LTBP1: variants seen among roughly 807,000 people sequenced by gnomAD.
LTBP1 encodes latent transforming growth factor beta binding protein 1, also known as latent-transforming growth factor beta-binding protein 1.
In LTBP1, 129 loss-of-function variants were observed where a neutral mutation model predicts 207.6. That is an observed-to-expected ratio of 0.62 (90% CI 0.54 to 0.72). The LOEUF is 0.72. LTBP1 is among the 30% of genes least tolerant of loss of function. The pLI, the probability that LTBP1 is intolerant of heterozygous loss-of-function variation, is 0.00. For synonymous variants in LTBP1, 963 were observed against 833.7 expected (o/e 1.16, Z -2.67); for missense variants, 2,281 against 2,217.2 (o/e 1.03, Z -0.58).
In LTBP1 at chr2:33,209,413, A is replaced by G. The variant is rs4671014; in HGVS notation, c.1702-8139A>G. Among the ~76,000 whole-genome samples the G allele has an allele frequency of 1.8e-3, 280 of 152,278 alleles. 2 individuals carry two copies. The highest frequency in any genetic ancestry group is 0.015 in the Admixed American group (234 of 15,288). ...TGGTTCTCTGGCACCAAAACATAGC[A>G]CCATGACAAGTACGATCGTGATGTC... On this transcript the variant is annotated intron_variant, in intron 7 of 33. Coordinates refer to ENST00000404816, the MANE Select transcript of LTBP1 (RefSeq NM_206943.4).
chr2:33,275,450 C>T (rs1000830049), intron 17 of LTBP1, among the ~76,000 whole-genome samples: 1 of 152,058 alleles, frequency 6.6e-6, no homozygotes, highest in African/African-American at 2.4e-5. Context: ...TTTGGGAGGC[C>T]GAGCCTGGCG....
intron 7 of LTBP1, 118 bp downstream of exon 7, chr2:33,188,969 C>A: frequency 8.5e-7 from 1 of 1,173,730 alleles, no homozygotes; most frequent in Non-Finnish European, 1.2e-6. Context: ...CAAACTATGA[C>A]TTGTGGCCAT....
At chr2:33,200,931 C>T (rs1005309574) in intron 7 of LTBP1, among the ~76,000 whole-genome samples, 13 of 152,188 alleles carry the variant, frequency 8.5e-5, no homozygotes, top group Non-Finnish European at 1.9e-4. Flanking sequence ...AATGAGATAC[C>T]ATCTGACACC....
chr2:33,153,858 G>A lies in LTBP1; in HGVS notation c.1201+18898G>A, dbSNP rs139416254. Among the ~76,000 whole-genome samples, 109 of 119,118 alleles carry A rather than the reference G, an allele frequency of 9.2e-4. 1 individual carries two copies. The highest frequency in any genetic ancestry group is 3.1e-3 in the African/African-American group (97 of 31,506). 78.1% of individuals were successfully genotyped at this position (119,118 alleles called of 152,430 possible). ...TGGCACTTGTGCCAGAGATCCACCC[G>A]GCTCCGTGTCCCCAGAGCGGCATCA... On this transcript the variant is annotated intron_variant, in intron 5 of 33. Coordinates refer to ENST00000404816, the MANE Select transcript of LTBP1 (RefSeq NM_206943.4).
chr2:32,955,482 ATTTTT>A (rs936090740), intron 2 of LTBP1, among the ~76,000 whole-genome samples: 2 of 151,918 alleles, frequency 1.3e-5, no homozygotes, highest in East Asian at 1.9e-4. Flanking sequence ...TCTTCCACTA[ATTTTT>A]TTTAATTACA....
intron 9 of LTBP1, among the ~76,000 whole-genome samples, chr2:33,230,704 T>C (rs933679513): frequency 6.6e-6 from 1 of 152,168 alleles, no homozygotes; most frequent in African/African-American, 2.4e-5. Flanking sequence ...TTGCCATAAG[T>C]GGGTTCTTAA....
intron 2 of LTBP1, among the ~76,000 whole-genome samples, chr2:32,952,631 A>G (rs1253414803): frequency 1.3e-5 from 2 of 151,794 alleles, no homozygotes; most frequent in Non-Finnish European, 2.9e-5. Context: ...TTTGCCTCCT[A>G]TCATTTTTGT....
chr2:33,081,561 G>A lies in LTBP1; in HGVS notation c.864-29021G>A, dbSNP rs554824654. On this transcript the variant is annotated intron_variant, in intron 3 of 33. Transcript: ENST00000404816. ...GGTAGGAAATCTCGGGCTCTGTAAT[G>A]TTGAAAGGACCTGGATTTGTTAGCA... 2.0e-5 allele frequency among the ~76,000 whole-genome samples: 3 copies of A among 152,258 alleles called. No individual in the cohort carries two copies. In the South Asian group the frequency reaches 6.2e-4, roughly 32 times the overall value.
intron 5 of LTBP1, among the ~76,000 whole-genome samples, chr2:33,156,019 A>G (rs940967585): frequency 6.6e-5 from 10 of 152,234 alleles, no homozygotes; most frequent in Non-Finnish European, 1.0e-4. Flanking sequence ...AGGATCAGAA[A>G]TCTTAAATTA....
chr2:33,170,064 C>G (rs986591392), intron 5 of LTBP1, among the ~76,000 whole-genome samples: 1 of 152,220 alleles, frequency 6.6e-6, no homozygotes, highest in Non-Finnish European at 1.5e-5. Flanking sequence ...CCACAGCTCC[C>G]AGCGTGAGTG....
At chr2:33,063,163 T>G in intron 3 of LTBP1, 1 of 152,234 alleles carries the variant, frequency 6.6e-6, no homozygotes, top group East Asian at 1.9e-4. Context: ...AACCACTTTT[T>G]GACATTTGTA....
intron 5 of LTBP1, among the ~76,000 whole-genome samples, chr2:33,139,151 C>T (rs1173574909): frequency 6.6e-6 from 1 of 150,518 alleles, no homozygotes; most frequent in Non-Finnish European, 1.5e-5. Flanking sequence ...AGCCACCGCG[C>T]CCGGCTAAAA....
chr2:33,007,158 G>C (rs1558505129), intron 2 of LTBP1, among the ~76,000 whole-genome samples: 1 of 152,194 alleles, frequency 6.6e-6, no homozygotes, highest in East Asian at 1.9e-4. Context: ...TCTGCCTTCT[G>C]GGTTCAAGTG....
Position 33,134,737 on chromosome 2 carries a change from C to T in LTBP1, c.1034-56C>T. 6.2e-7 allele frequency: 1 copy of T among 1,613,802 alleles called. No homozygotes were observed. Among genetic ancestry groups the T allele is most frequent in the Non-Finnish European group, 8.5e-7 (1 of 1,179,938 alleles). On this transcript the variant is annotated intron_variant, in intron 4 of 33. Transcript: ENST00000404816. The surrounding 1 kb of genome is among the most constrained non-coding windows in gnomAD (Gnocchi z 4.4). Reference sequence around the variant, plus strand: ...TTTTTTAAACCTTCCAAGGCAAGTTCATGGATACTAAGCTGATGTGTTTGT... The same window carrying T: ...TTTTTTAAACCTTCCAAGGCAAGTTTATGGATACTAAGCTGATGTGTTTGT...
chr2:33,273,751 A>G lies in LTBP1; in HGVS notation c.2713A>G (p.Arg905Gly), dbSNP rs1467537203. Reference sequence around the variant, plus strand: ...TACCTGTATATGCTACGAGGGCTACAGGTTCAGTGAACAACAGAGGAAATG... The same window carrying G: ...TACCTGTATATGCTACGAGGGCTACGGGTTCAGTGAACAACAGAGGAAATG... ...RYTCICYEGY[R>G]FSEQQRKCVD... Residue 905 changes from arginine (R) to glycine (G), a missense_variant, in exon 16 of 34, where the codon AGG becomes GGG. This residue lies in a region of LTBP1 where 1,671 missense variants were observed against 1,634.8 expected (regional missense o/e 1.02). Transcript: ENST00000404816. 1 of 1,610,382 alleles carries G rather than the reference A, an allele frequency of 6.2e-7. No individual in the cohort carries two copies. The highest frequency in any genetic ancestry group is 8.5e-7 in the Non-Finnish European group (1 of 1,178,446).
At chr2:33,131,566 A>C (rs1234086849) in intron 4 of LTBP1, among the ~76,000 whole-genome samples, 1 of 152,254 alleles carries the variant, frequency 6.6e-6, no homozygotes, top group African/African-American at 2.4e-5. Context: ...TTTCACTACC[A>C]ATTTTGAGAA....
intron 32 of LTBP1, among the ~76,000 whole-genome samples, chr2:33,395,638 G>C (rs1294386943): frequency 6.6e-6 from 1 of 151,456 alleles, no homozygotes; most frequent in African/African-American, 2.4e-5. Context: ...TTGACCTCAG[G>C]CACTTTAGTC....
chr2:33,058,827 T>G (rs956529220), intron 3 of LTBP1, among the ~76,000 whole-genome samples: 2 of 152,206 alleles, frequency 1.3e-5, no homozygotes, highest in African/African-American at 4.8e-5. Context: ...ACTATAAATG[T>G]CGCAGGAGAA....
chr2:33,331,048 G>C (rs1312365876), intron 24 of LTBP1, among the ~76,000 whole-genome samples: 1 of 151,532 alleles, frequency 6.6e-6, no homozygotes, highest in Non-Finnish European at 1.5e-5. Context: ...GTTTTTATTT[G>C]CACAAAATTA....
Sources: gnomAD v4.1 joint callset for allele counts (sites outside exome capture counted in the v4.1 genomes callset) on GRCh38, gnomAD v4.1.1 for gene constraint, gnomAD v4.1.1 regional missense constraint, Gnocchi (gnomAD v3.1) non-coding constraint, MANE v1.5 for transcripts, NCBI Gene and HGNC (gene_info 2026-07-23, HGNC 2026-07-21) for gene names.